RBFOX1: variants seen among roughly 807,000 people sequenced by gnomAD.
RBFOX1 encodes the protein RNA binding fox-1 homolog 1.
Under a neutral mutation model 57.7 loss-of-function variants are expected in RBFOX1, and 8 were observed. The observed-to-expected ratio is 0.14, with a 90% confidence interval of 0.08 to 0.25. The LOEUF is 0.25. Ranked by LOEUF, RBFOX1 falls within the 10% of genes least tolerant of loss-of-function variation. RBFOX1 has a pLI of 1.00. For missense variants in RBFOX1, 611 were observed against 548.5 expected, an observed-to-expected ratio of 1.11 and a Z score of -1.14; for synonymous variants, 326 against 222.4, an observed-to-expected ratio of 1.47 and a Z score of -4.15.
intron 3 of RBFOX1, among the ~76,000 whole-genome samples, chr16:6,884,625 G>A (rs748857099): frequency 6.6e-5 from 10 of 152,206 alleles, no homozygotes; most frequent in Non-Finnish European, 1.3e-4. Context: ...TTGGCCAGGT[G>A]TGGTGGCTCA....
chr16:7,563,099 G>A (rs3785248), intron 5 of RBFOX1, among the ~76,000 whole-genome samples: 134,721 of 152,180 alleles, frequency 0.89, 60,504 homozygotes, highest in Non-Finnish European at 0.97. Flanking sequence ...TTTCTTTGCC[G>A]TAAGATGGGC....
intron 3 of RBFOX1, among the ~76,000 whole-genome samples, chr16:6,926,805 T>G (rs1358822088): frequency 6.6e-6 from 1 of 152,134 alleles, no homozygotes; most frequent in African/African-American, 2.4e-5. Flanking sequence ...AAAATTATCG[T>G]TTTGATCTTT....
At chr16:7,393,286 C>G (rs967479370) in intron 4 of RBFOX1, among the ~76,000 whole-genome samples, 4 of 152,266 alleles carry the variant, frequency 2.6e-5, no homozygotes, top group Non-Finnish European at 5.9e-5. Context: ...AGACCTTAAT[C>G]CTTAAGTTTG....
chr16:5,720,590 C>G (rs1227152158), intron 3 of RBFOX1, among the ~76,000 whole-genome samples: 1 of 152,088 alleles, frequency 6.6e-6, no homozygotes, highest in Non-Finnish European at 1.5e-5. Flanking sequence ...GGTCTATGAT[C>G]CATTTCGAGT....
chr16:6,963,330 C>T (rs1277215104), intron 3 of RBFOX1, among the ~76,000 whole-genome samples: 1 of 151,766 alleles, frequency 6.6e-6, no homozygotes, highest in Non-Finnish European at 1.5e-5. Flanking sequence ...AAGTGGGGTT[C>T]TCAGCTTTGA....
chr16:5,827,958 TATCCATGC>T (rs2056131287), intron 3 of RBFOX1, among the ~76,000 whole-genome samples: 2 of 22,440 alleles, frequency 8.9e-5, no homozygotes, highest in Admixed American at 6.3e-4. Context: ...CCCACCCACC[TATCCATGC>T]ATCCATCCAT....
At chr16:6,584,161 G>C (rs1025594137) in intron 2 of RBFOX1, among the ~76,000 whole-genome samples, 1 of 151,878 alleles carries the variant, frequency 6.6e-6, no homozygotes, top group East Asian at 1.9e-4. Context: ...GGTAAGCATT[G>C]TCCCTGCTGT....
intron 3 of RBFOX1, among the ~76,000 whole-genome samples, chr16:6,964,097 C>A (rs2083578455): frequency 6.6e-6 from 1 of 152,122 alleles, no homozygotes. Context: ...CGGCTCACTG[C>A]AACCTCCGCC....
chr16:7,406,544 T>A (rs1306300135), intron 4 of RBFOX1, among the ~76,000 whole-genome samples: 1 of 152,200 alleles, frequency 6.6e-6, no homozygotes, highest in East Asian at 1.9e-4. Flanking sequence ...TAGAGAGTGA[T>A]GCAAAAACAT....
intron 2 of RBFOX1, among the ~76,000 whole-genome samples, chr16:6,503,001 A>G (rs761142662): frequency 2.0e-5 from 3 of 152,182 alleles, no homozygotes; most frequent in Non-Finnish European, 4.4e-5. Context: ...ATTAATGTAT[A>G]GATAGATAAA....
chr16:5,300,990 C>T lies in RBFOX1; in HGVS notation c.219+60885C>T, dbSNP rs76724911. ...TTCTAGGTTTATTTTTGGTAGGTAGCGCTCAAAGTGGCTTCCAGTAGCCTC... is the reference window on the plus strand; with the variant it reads ...TTCTAGGTTTATTTTTGGTAGGTAGTGCTCAAAGTGGCTTCCAGTAGCCTC... On this transcript the variant is annotated intron_variant, in intron 1 of 2. Coordinates refer to the RBFOX1 transcript ENST00000585867. Among the ~76,000 whole-genome samples, 175 of 152,272 alleles carry T rather than the reference C, an allele frequency of 1.1e-3. 6 individuals carry two copies. The East Asian group carries it at 0.029, about 26-fold the overall frequency.
Position 6,097,701 on chromosome 16 carries a change from G to C in RBFOX1, c.-127+77709G>C, listed in dbSNP as rs1476184541. Among the ~76,000 whole-genome samples the C allele has an allele frequency of 1.3e-5, 2 of 151,964 alleles. No homozygotes were observed. Among genetic ancestry groups the C allele is most frequent in the African/African-American group, 4.8e-5 (2 of 41,386 alleles). ...TTTGACCCTAGGGCTTGTGAATCTG[G>C]AGCCCATAGACTCAACTCCTGTGCT... On this transcript the variant is annotated intron_variant, in intron 1 of 15. Transcript: ENST00000550418. This position sits in a 1 kb window ranked among gnomAD's most constrained non-coding sequence, Gnocchi z 5.0.
intron 4 of RBFOX1, among the ~76,000 whole-genome samples, chr16:7,514,393 C>G (rs558468647): frequency 2.0e-5 from 3 of 152,256 alleles, no homozygotes; most frequent in Admixed American, 2.0e-4. Context: ...ACTTGGCAAA[C>G]ATTTATAAAT....
intron 3 of RBFOX1, among the ~76,000 whole-genome samples, chr16:6,720,023 G>A (rs911758394): frequency 2.6e-5 from 4 of 152,010 alleles, no homozygotes; most frequent in African/African-American, 9.7e-5. Context: ...GAACCTGGGA[G>A]GCAGAGGTTG....
At chr16:7,508,748 G>T (rs2074164572) in intron 4 of RBFOX1, among the ~76,000 whole-genome samples, 1 of 152,116 alleles carries the variant, frequency 6.6e-6, no homozygotes, top group Non-Finnish European at 1.5e-5. Context: ...CAAGCAGAAA[G>T]GTTGAATTCT....
At chr16:6,558,788 C>T (rs575487184) in intron 2 of RBFOX1, among the ~76,000 whole-genome samples, 1 of 147,034 alleles carries the variant, frequency 6.8e-6, no homozygotes, top group Non-Finnish European at 1.5e-5. Flanking sequence ...CACCCCCTGA[C>T]TTAAATCCTC....
chr16:5,393,336 A>C (rs915568507), intron 1 of RBFOX1, among the ~76,000 whole-genome samples: 1 of 152,194 alleles, frequency 6.6e-6, no homozygotes, highest in Admixed American at 6.5e-5. Context: ...AATACTTGGC[A>C]GCTTGGGTGT....
At chr16:6,384,620 C>T (rs530725353) in intron 2 of RBFOX1, among the ~76,000 whole-genome samples, 3 of 152,152 alleles carry the variant, frequency 2.0e-5, no homozygotes, top group Non-Finnish European at 4.4e-5. Context: ...AATTCGTCTC[C>T]TTTTGCAATT....
chr16:6,763,722 A>T (rs920446500), intron 3 of RBFOX1, among the ~76,000 whole-genome samples: 1 of 152,208 alleles, frequency 6.6e-6, no homozygotes, highest in Non-Finnish European at 1.5e-5. Flanking sequence ...TTTTAGCCTG[A>T]TAGCACGTTT....
Sources: allele counts gnomAD v4.1 joint callset (sites outside exome capture counted in the v4.1 genomes callset), GRCh38; gene constraint gnomAD v4.1.1; non-coding constraint Gnocchi (gnomAD v3.1); transcripts MANE v1.5; gene names NCBI Gene and HGNC (gene_info 2026-07-23, HGNC 2026-07-21).